Variants in CLINT1 observed in about 807,000 individuals in gnomAD.
CLINT1 encodes clathrin interactor 1.
In CLINT1, 15 loss-of-function variants were observed where a neutral mutation model predicts 70.4. The observed-to-expected ratio is 0.21, with a 90% CI of 0.14 to 0.33. The LOEUF (loss-of-function observed/expected upper bound fraction) is 0.33, where lower values mean the gene tolerates loss of function less well. CLINT1 is among the 10% of genes least tolerant of loss of function. The pLI is 1.00. For synonymous variants in CLINT1, 227 were observed against 254.7 expected (o/e 0.89, Z 1.04); for missense variants, 615 against 778.1 (o/e 0.79, Z 2.49).
intron 1 of CLINT1, among the ~76,000 whole-genome samples, chr5:157,846,048 T>C (rs1561674027): frequency 6.6e-6 from 1 of 152,184 alleles, no homozygotes; most frequent in Non-Finnish European, 1.5e-5. Context: ...CCCTCTCCTC[T>C]GGCATCTCTA....
intron 1 of CLINT1, among the ~76,000 whole-genome samples, chr5:157,837,378 A>G (rs1319994279): frequency 2.6e-5 from 4 of 151,308 alleles, no homozygotes; most frequent in Non-Finnish European, 4.4e-5. Context: ...CTGTCCAAAG[A>G]AGGCAGGAAA....
At chr5:157,823,255 G>A (rs1762931374) in intron 1 of CLINT1, among the ~76,000 whole-genome samples, 2 of 151,862 alleles carry the variant, frequency 1.3e-5, no homozygotes, top group African/African-American at 4.8e-5. Flanking sequence ...TTTAAATAAT[G>A]TTTTTCTTTA....
chr5:157,809,398 A>G (rs1415445867), intron 6 of CLINT1, among the ~76,000 whole-genome samples: 2 of 152,088 alleles, frequency 1.3e-5, no homozygotes, highest in Admixed American at 6.6e-5. Flanking sequence ...AGATGTTCAC[A>G]GAACCTGTTA....
At chr5:157,842,567 A>C (rs911631091) in intron 1 of CLINT1, among the ~76,000 whole-genome samples, 3 of 152,256 alleles carry the variant, frequency 2.0e-5, no homozygotes, top group East Asian at 3.8e-4. Flanking sequence ...AATCACTAGA[A>C]TATCCATCCC....
At chr5:157,796,541 A>G (rs1235507834) in intron 8 of CLINT1, among the ~76,000 whole-genome samples, 5 of 152,340 alleles carry the variant, frequency 3.3e-5, no homozygotes, top group Admixed American at 2.0e-4. Context: ...TATATAGGTT[A>G]CATCACAGCT....
At chr5:157,829,132 C>A (rs1050025818) in intron 1 of CLINT1, among the ~76,000 whole-genome samples, 36 of 151,638 alleles carry the variant, frequency 2.4e-4, no homozygotes, top group Non-Finnish European at 3.1e-4. Context: ...ACAACAACAA[C>A]AAAAAACACT....
At chr5:157,828,294 A>G (rs190843862) in intron 1 of CLINT1, among the ~76,000 whole-genome samples, 190 of 152,284 alleles carry the variant, frequency 1.2e-3, no homozygotes, top group Admixed American at 4.1e-3. Context: ...TTTTGTGGCT[A>G]GCAAAAGTGA....
At chr5:157,850,164 AGAATTCT>A (rs1416675438) in intron 1 of CLINT1, among the ~76,000 whole-genome samples, 2 of 152,194 alleles carry the variant, frequency 1.3e-5, no homozygotes, top group African/African-American at 4.8e-5. Context: ...AAGCCACTGG[AGAATTCT>A]GAACCCATTT....
chr5:157,788,288 G>A lies in CLINT1; in HGVS notation c.1532-296C>T, dbSNP rs369805492. Among the ~76,000 whole-genome samples the A allele has an allele frequency of 7.2e-5, 11 of 152,178 alleles. No homozygotes were observed. The East Asian group carries it at 1.3e-3, about 19-fold the overall frequency. On this transcript the variant is annotated intron_variant, in intron 11 of 11. Coordinates refer to ENST00000411809, the MANE Select transcript of CLINT1 (RefSeq NM_014666.4). ...ATTGTTAAATCCTACTTAACAAGTT[G>A]TCAAGAGCTAGTGTGTATAAAAAAT...
intron 1 of CLINT1, among the ~76,000 whole-genome samples, chr5:157,851,590 G>A (rs1330877182): frequency 7.9e-6 from 1 of 127,342 alleles, no homozygotes; most frequent in African/African-American, 2.8e-5. Flanking sequence ...TGGGAGGATC[G>A]CTTAAGCTAC....
At chr5:157,856,056 G>T (rs1380466509) in intron 1 of CLINT1, among the ~76,000 whole-genome samples, 1 of 152,110 alleles carries the variant, frequency 6.6e-6, no homozygotes, top group African/African-American at 2.4e-5. Flanking sequence ...ACCTCACTGG[G>T]TATCAATATA....
intron 7 of CLINT1, among the ~76,000 whole-genome samples, chr5:157,805,275 CA>C (rs1762352697): frequency 6.6e-6 from 1 of 152,108 alleles, no homozygotes; most frequent in Non-Finnish European, 1.5e-5. Context: ...TCTTTTGAGG[CA>C]AATCTCCCTA....
chr5:157,844,317 C>T (rs557626729), intron 1 of CLINT1, among the ~76,000 whole-genome samples: 5 of 152,222 alleles, frequency 3.3e-5, no homozygotes, highest in Non-Finnish European at 5.9e-5. Context: ...GACCTTCTTT[C>T]GTTTATGACA....
intron 1 of CLINT1, among the ~76,000 whole-genome samples, chr5:157,827,530 C>T (rs1763078101): frequency 6.6e-6 from 1 of 152,174 alleles, no homozygotes; most frequent in African/African-American, 2.4e-5. Flanking sequence ...TCCCCAAAAG[C>T]AACAACTCTT....
intron 1 of CLINT1, among the ~76,000 whole-genome samples, chr5:157,822,804 A>G (rs1329380191): frequency 6.6e-6 from 1 of 152,234 alleles, no homozygotes; most frequent in Non-Finnish European, 1.5e-5. Context: ...AAGAATCATC[A>G]GTAAAATAAT....
At chr5:157,834,264 G>A (rs1763344376) in intron 1 of CLINT1, among the ~76,000 whole-genome samples, 1 of 152,196 alleles carries the variant, frequency 6.6e-6, no homozygotes, top group Non-Finnish European at 1.5e-5. Context: ...TACGCAGGAG[G>A]CTGAGGTAGG....
chr5:157,846,569 A>C (rs1021409867), intron 1 of CLINT1, among the ~76,000 whole-genome samples: 2 of 152,242 alleles, frequency 1.3e-5, no homozygotes, highest in Non-Finnish European at 2.9e-5. Flanking sequence ...CTGATGTAGA[A>C]GCTATGGCAA....
At chr5:157,822,253 C>T (rs2113233723) in intron 1 of CLINT1, among the ~76,000 whole-genome samples, 1 of 151,538 alleles carries the variant, frequency 6.6e-6, no homozygotes, top group East Asian at 1.9e-4. Flanking sequence ...GGTACATGTG[C>T]ACAACGTGCA....
chr5:157,845,379 A>G (rs996735750), intron 1 of CLINT1, among the ~76,000 whole-genome samples: 1 of 151,790 alleles, frequency 6.6e-6, no homozygotes, highest in Non-Finnish European at 1.5e-5. Flanking sequence ...AAATAAAATA[A>G]AAATTAAGTA....
Sources: gnomAD v4.1 joint callset for allele counts (sites outside exome capture counted in the v4.1 genomes callset) on GRCh38, gnomAD v4.1.1 for gene constraint, MANE v1.5 for transcripts, NCBI Gene and HGNC (gene_info 2026-07-23, HGNC 2026-07-21) for gene names.